Variants in ANO6 observed in about 807,000 individuals in gnomAD.
ANO6 encodes anoctamin 6.
ANO6 carries 106 observed loss-of-function variants against 117.5 expected under a neutral mutation model. The ratio of observed to expected loss-of-function variants is 0.90; its 90% confidence interval spans 0.77 to 1.06. The LOEUF (loss-of-function observed/expected upper bound fraction) is 1.06. ANO6 is among the 50% of genes least tolerant of loss of function. The pLI, the probability that ANO6 is intolerant of heterozygous loss-of-function variation, is 0.00. For synonymous variants in ANO6, 367 were observed against 385.1 expected (o/e 0.95, Z 0.55); for missense variants, 955 against 1,121.1 (o/e 0.85, Z 2.12).
chr12:45,397,131 C>CTAAA (rs1177067143), intron 12 of ANO6, among the ~76,000 whole-genome samples: 18 of 152,256 alleles, frequency 1.2e-4, no homozygotes, highest in African/African-American at 4.3e-4. Context: ...CTACAAGGGA[C>CTAAA]TCAAACAAAT....
At chr12:45,294,705 T>C (rs1235602365) in intron 1 of ANO6, among the ~76,000 whole-genome samples, 3 of 152,362 alleles carry the variant, frequency 2.0e-5, no homozygotes, top group Middle Eastern at 3.4e-3. Flanking sequence ...GATTGACATT[T>C]CTTTTCATTA....
At chr12:45,273,724 A>G (rs1054609280) in intron 1 of ANO6, among the ~76,000 whole-genome samples, 1 of 152,212 alleles carries the variant, frequency 6.6e-6, no homozygotes, top group African/African-American at 2.4e-5. Context: ...CCTCCCCATT[A>G]GAGCCATTTC....
chr12:45,344,036 C>T (rs1049678340), intron 3 of ANO6, among the ~76,000 whole-genome samples: 14 of 152,076 alleles, frequency 9.2e-5, no homozygotes, highest in African/African-American at 3.4e-4. Context: ...TTTTTATCTG[C>T]TATAATGGAT....
At position 45,216,363 on chromosome 12, in the gene ANO6, G is replaced by A. The variant is rs775597411; in HGVS notation, c.42G>A (p.Glu14=). Residue 14 remains glutamate, a synonymous_variant, in exon 1 of 20, where the codon GAG becomes GAA. Transcript: ENST00000320560. ...GGAATGTTTTGCTACAAATGGAGGA[G>A]GAGGAGGACGACGACGATGGGGATA... ...MSRNVLLQME[E]EEDDDDGDIV... is the part of the protein sequence containing the mutation. 6.2e-7 allele frequency: 1 copy of A among 1,613,060 alleles called. No individual in the cohort carries two copies. The highest frequency in any genetic ancestry group is 2.2e-5 in the East Asian group (1 of 44,832).
At chr12:45,250,794 T>C (rs1488589480) in intron 1 of ANO6, among the ~76,000 whole-genome samples, 1 of 146,274 alleles carries the variant, frequency 6.8e-6, no homozygotes, top group Non-Finnish European at 1.5e-5. Flanking sequence ...AGACAGTGTC[T>C]CACTATGTTG....
chr12:45,221,060 G>GGA (rs1555156318), intron 1 of ANO6, among the ~76,000 whole-genome samples: 1 of 110,248 alleles, frequency 9.1e-6, no homozygotes, highest in African/African-American at 5.4e-5. Context: ...TGTCGGAAGT[G>GGA]GGGGGGGGCA....
intron 1 of ANO6, among the ~76,000 whole-genome samples, chr12:45,281,352 G>A (rs1938725927): frequency 6.6e-6 from 1 of 152,014 alleles, no homozygotes; most frequent in Non-Finnish European, 1.5e-5. Flanking sequence ...TTCTTGTGTT[G>A]CTGTAAAGGA....
At chr12:45,293,002 C>T (rs531245942) in intron 1 of ANO6, 2 of 1,538,908 alleles carry the variant, frequency 1.3e-6, no homozygotes, top group East Asian at 2.5e-5. Context: ...CGGGGAGGCT[C>T]CTTTTTTATA....
intron 9 of ANO6, among the ~76,000 whole-genome samples, chr12:45,374,797 A>G (rs1194733295): frequency 6.6e-6 from 1 of 152,152 alleles, no homozygotes; most frequent in Non-Finnish European, 1.5e-5. Flanking sequence ...CTGACACAAG[A>G]CAGGGATGCC....
At chr12:45,350,143 G>A (rs575426622) in intron 6 of ANO6, among the ~76,000 whole-genome samples, 2 of 152,314 alleles carry the variant, frequency 1.3e-5, no homozygotes, top group South Asian at 4.1e-4. Context: ...AATAAGCTAA[G>A]TGTGTAACAT....
intron 1 of ANO6, chr12:45,228,238 C>T (rs1485953736): frequency 6.9e-6 from 3 of 436,886 alleles, no homozygotes; most frequent in African/African-American, 4.2e-5. Context: ...TCAATTGATC[C>T]TCTTACCTCA....
chr12:45,366,141 T>A (rs74543130), intron 8 of ANO6, among the ~76,000 whole-genome samples: 2,043 of 151,802 alleles, frequency 0.013, 17 homozygotes, highest in Middle Eastern at 0.031. Flanking sequence ...TTGGTATTAA[T>A]TTGTAGGAGT....
intron 1 of ANO6, among the ~76,000 whole-genome samples, chr12:45,219,503 ATTTTTT>A (rs59216107): frequency 9.4e-4 from 112 of 119,668 alleles, no homozygotes; most frequent in Admixed American, 1.6e-3. Context: ...TGCCTGGCCA[ATTTTTT>A]TTTTTTTTTT....
rs112025010 is a variant in ANO6 at position 45,331,558 on chromosome 12, C to T, written c.279+135C>T. 6.7e-6 allele frequency: 6 copies of T among 898,974 alleles called. No homozygotes were observed. In the African/African-American group the frequency reaches 8.5e-5, roughly 13 times the overall value. 55.7% of individuals were successfully genotyped at this position (898,974 alleles called of 1,614,324 possible). On this transcript the variant is annotated intron_variant, in intron 3 of 19. Coordinates refer to ENST00000320560, the MANE Select transcript of ANO6 (RefSeq NM_001025356.3). ...AAAACAGTTTCATATTTTCTCTGCT[C>T]ATGTTTTCTCAAAGCATATTAACAA...
In ANO6 at chr12:45,216,305, C is replaced by A. The variant is rs1473793043; in HGVS notation, c.-17C>A. 6.2e-7 allele frequency: 1 copy of A among 1,601,122 alleles called. No homozygotes were observed. Among genetic ancestry groups the A allele is most frequent in the Non-Finnish European group, 8.5e-7 (1 of 1,173,888 alleles). ...CCCAACTTCGCGCCAAGTTCGGAGC[C>A]GCCTTCTGAGGGAGACATGAAAAAG... On this transcript the variant is annotated 5_prime_UTR_variant, in exon 1 of 20. Coordinates refer to ENST00000320560, the MANE Select transcript of ANO6 (RefSeq NM_001025356.3).
At chr12:45,273,682 T>G (rs1397004939) in intron 1 of ANO6, among the ~76,000 whole-genome samples, 1 of 152,244 alleles carries the variant, frequency 6.6e-6, no homozygotes, top group African/African-American at 2.4e-5. Flanking sequence ...TTGGGTTCTT[T>G]GCTGTGAGCC....
chr12:45,415,299 C>T (rs948278542), intron 16 of ANO6, among the ~76,000 whole-genome samples: 1 of 152,098 alleles, frequency 6.6e-6, no homozygotes, highest in African/African-American at 2.4e-5. Flanking sequence ...CTTTTGTTGT[C>T]ATTATAAATG....
intron 9 of ANO6, among the ~76,000 whole-genome samples, chr12:45,375,291 G>A (rs1214586670): frequency 4.6e-5 from 7 of 152,186 alleles, no homozygotes; most frequent in South Asian, 2.1e-4. Context: ...AAGGTAATTT[G>A]CAGATTCAAT....
chr12:45,295,546 T>G (rs1939261382), intron 1 of ANO6, among the ~76,000 whole-genome samples: 1 of 152,042 alleles, frequency 6.6e-6, no homozygotes, highest in Non-Finnish European at 1.5e-5. Context: ...ACTCTCTTTT[T>G]TATTTGTTTA....
Sources: allele counts gnomAD v4.1 joint callset (sites outside exome capture counted in the v4.1 genomes callset), GRCh38; gene constraint gnomAD v4.1.1; transcripts MANE v1.5; gene names NCBI Gene and HGNC (gene_info 2026-07-23, HGNC 2026-07-21).